TRPC4: variants seen among roughly 807,000 people sequenced by gnomAD.
TRPC4 encodes the protein transient receptor potential cation channel subfamily C member 4.
Under a neutral mutation model 99.4 loss-of-function variants are expected in TRPC4, and 49 were observed. The ratio of observed to expected loss-of-function variants is 0.49; its 90% CI spans 0.39 to 0.63. The LOEUF is 0.63. Ranked by LOEUF, TRPC4 falls within the 20% of genes least tolerant of loss-of-function variation. The pLI is 0.00. For synonymous variants in TRPC4, 454 were observed against 425.9 expected, an observed-to-expected ratio of 1.07 and a Z score of -0.81; for missense variants, 898 against 1,152.9, an observed-to-expected ratio of 0.78 and a Z score of 3.20.
In TRPC4 at chr13:37,650,845, G is replaced by A. The variant is rs539761071; in HGVS notation, c.2079+420C>T. On this transcript the variant is annotated intron_variant, in intron 8 of 10. Coordinates refer to ENST00000379705, the MANE Select transcript of TRPC4 (RefSeq NM_016179.4). ...ACTTTGTTAGGCATGAAGAATTTGA[G>A]GTCACCAAAGCACGTGCCCTTCCCT... is the stretch of plus-strand genomic sequence containing the variant. Among the ~76,000 whole-genome samples the A allele has an allele frequency of 2.6e-5, 4 of 152,212 alleles. No individual in the cohort carries two copies. In the East Asian group the frequency reaches 7.7e-4, roughly 29 times the overall value.
At chr13:37,747,533 G>T (rs1171156092) in intron 2 of TRPC4, among the ~76,000 whole-genome samples, 1 of 152,124 alleles carries the variant, frequency 6.6e-6, no homozygotes, top group South Asian at 2.1e-4. Context: ...GATGACTCAC[G>T]TCACATTGAA....
chr13:37,745,460 A>ATGCGTATATATATATATGCG (rs1555265753), intron 3 of TRPC4, among the ~76,000 whole-genome samples: 1 of 4,928 alleles, frequency 2.0e-4, no homozygotes, highest in African/African-American at 4.3e-4. Flanking sequence ...ATATATATAT[A>ATGCGTATATATATATATGCG]TATATATATA....
At chr13:37,855,642 A>C (rs187760699) in intron 1 of TRPC4, among the ~76,000 whole-genome samples, 1,358 of 112,628 alleles carry the variant, frequency 0.012, 36 homozygotes, top group East Asian at 0.11. Context: ...TCACAAAACA[A>C]GTCTTAAAAC....
intron 8 of TRPC4, among the ~76,000 whole-genome samples, chr13:37,643,817 C>T (rs1454563636): frequency 6.6e-6 from 1 of 152,048 alleles, no homozygotes; most frequent in African/African-American, 2.4e-5. Context: ...AGCAGTAGCA[C>T]CAAGTGGGAA....
chr13:37,752,676 C>G (rs957395898), intron 2 of TRPC4, among the ~76,000 whole-genome samples: 2 of 151,518 alleles, frequency 1.3e-5, no homozygotes, highest in African/African-American at 4.9e-5. Context: ...TTCATTTGTA[C>G]ACAAATGGTC....
chr13:37,670,569 T>C (rs1186392519), intron 5 of TRPC4, among the ~76,000 whole-genome samples: 1 of 152,342 alleles, frequency 6.6e-6, no homozygotes, highest in East Asian at 1.9e-4. Context: ...TATTTCATAA[T>C]TACTAAATCA....
At chr13:37,737,244 A>ATAC (rs1272154811) in intron 3 of TRPC4, among the ~76,000 whole-genome samples, 1 of 151,176 alleles carries the variant, frequency 6.6e-6, no homozygotes, top group East Asian at 1.9e-4. Context: ...AATAATAATA[A>ATAC]TAATAATAGC....
chr13:37,732,370 T>C (rs1319897152), intron 3 of TRPC4, among the ~76,000 whole-genome samples: 2 of 152,050 alleles, frequency 1.3e-5, no homozygotes, highest in Non-Finnish European at 2.9e-5. Context: ...GATAATAAGT[T>C]GGGAAAAGTT....
At chr13:37,691,736 A>G (rs537804405) in intron 4 of TRPC4, among the ~76,000 whole-genome samples, 1 of 152,360 alleles carries the variant, frequency 6.6e-6, no homozygotes, top group South Asian at 2.1e-4. Flanking sequence ...CAAAAAACTC[A>G]GAGGGTCAGT....
At chr13:37,795,093 AT>A (rs2139404511) in intron 1 of TRPC4, among the ~76,000 whole-genome samples, 1 of 152,236 alleles carries the variant, frequency 6.6e-6, no homozygotes, top group South Asian at 2.1e-4. Context: ...GATAATATGT[AT>A]TTTTTAAAAG....
intron 4 of TRPC4, among the ~76,000 whole-genome samples, chr13:37,679,848 C>T (rs1196349872): frequency 2.0e-5 from 3 of 152,188 alleles, no homozygotes; most frequent in African/African-American, 7.2e-5. Context: ...ATGATGCCTG[C>T]ACTGCATTTT....
At chr13:37,762,544 A>T (rs1353160935) in intron 2 of TRPC4, among the ~76,000 whole-genome samples, 2 of 151,678 alleles carry the variant, frequency 1.3e-5, no homozygotes, top group Non-Finnish European at 2.9e-5. Flanking sequence ...GCCATAAAAA[A>T]TGATGAGTTC....
At chr13:37,844,677 G>A (rs1566217937) in intron 1 of TRPC4, among the ~76,000 whole-genome samples, 2 of 152,106 alleles carry the variant, frequency 1.3e-5, no homozygotes, top group South Asian at 2.1e-4. Flanking sequence ...TTCTAGGTGA[G>A]AGGCAAATGC....
At chr13:37,829,764 G>A (rs1051020793) in intron 1 of TRPC4, among the ~76,000 whole-genome samples, 1 of 151,944 alleles carries the variant, frequency 6.6e-6, no homozygotes, top group African/African-American at 2.4e-5. Flanking sequence ...ACAGATGAAT[G>A]GTAAAATCAA....
intron 1 of TRPC4, among the ~76,000 whole-genome samples, chr13:37,842,332 T>A (rs1201317489): frequency 1.6e-5 from 1 of 61,152 alleles, no homozygotes; most frequent in African/African-American, 7.4e-5. Flanking sequence ...CAATTAATGA[T>A]AGCGTCTAGC....
At chr13:37,691,885 T>A in intron 4 of TRPC4, 114 bp downstream of exon 4, 2 of 1,045,490 alleles carry the variant, frequency 1.9e-6, no homozygotes, top group Non-Finnish European at 2.7e-6. Context: ...GCTACAATAG[T>A]CAGAACCTAT....
chr13:37,691,615 C>A (rs1160037028), intron 4 of TRPC4, among the ~76,000 whole-genome samples: 1 of 152,084 alleles, frequency 6.6e-6, no homozygotes, highest in African/African-American at 2.4e-5. Flanking sequence ...TGTATAGAAT[C>A]ACTAATTCTT....
At chr13:37,840,238 G>A (rs1958695196) in intron 1 of TRPC4, among the ~76,000 whole-genome samples, 1 of 152,038 alleles carries the variant, frequency 6.6e-6, no homozygotes, top group Admixed American at 6.5e-5. Context: ...CAGCCAATGG[G>A]CTGTAGAAAG....
chr13:37,645,010 C>T (rs1200160298), intron 8 of TRPC4, among the ~76,000 whole-genome samples: 1 of 151,128 alleles, frequency 6.6e-6, no homozygotes, highest in Admixed American at 6.6e-5. Context: ...GCTTTTCTTC[C>T]TTAACTGAGT....
Sources: gnomAD v4.1 joint callset for allele counts (sites outside exome capture counted in the v4.1 genomes callset) on GRCh38, gnomAD v4.1.1 for gene constraint, MANE v1.5 for transcripts, NCBI Gene and HGNC (gene_info 2026-07-23, HGNC 2026-07-21) for gene names.